The following UGT2A1 variants were observed in gnomAD, a reference collection of about 807,000 sequenced individuals.
UGT2A1 encodes UDP-glucuronosyltransferase 2A1.
UGT2A1 carries 61 observed loss-of-function variants against 45.4 expected under a neutral mutation model. That is an observed-to-expected ratio of 1.34 (90% confidence interval 1.09 to 1.66). The LOEUF (loss-of-function observed/expected upper bound fraction) is 1.66, where lower values mean the gene tolerates loss of function less well. Among genes scored for constraint, UGT2A1 ranks in the 40% most tolerant of loss-of-function variants. The pLI is 0.00. For synonymous variants in UGT2A1, 229 were observed against 196.2 expected, an observed-to-expected ratio of 1.17 and a Z score of -1.40; for missense variants, 649 against 574.3, an observed-to-expected ratio of 1.13 and a Z score of -1.33.
In UGT2A1 at chr4:69,595,150, CCA is replaced by C; in HGVS notation, c.1084+10_1084+11del. 6.2e-7 allele frequency: 1 copy of C among 1,613,686 alleles called. No homozygotes were observed. The highest frequency in any genetic ancestry group is 8.5e-7 in the Non-Finnish European group (1 of 1,179,818). On this transcript the variant is annotated intron_variant, in intron 5 of 6. Transcript: ENST00000286604. ...GTCCCACTGTACAGCTTTTCTTTCC[CCA>C]CAGTCTTACCAAGAAGATCATTCTG...
At chr4:69,634,711 A>G (rs899489806) in intron 3 of UGT2A1, among the ~76,000 whole-genome samples, 1 of 152,212 alleles carries the variant, frequency 6.6e-6, no homozygotes, top group East Asian at 1.9e-4. Context: ...GATAAAATTC[A>G]TCATCCTTTT....
intron 2 of UGT2A1, among the ~76,000 whole-genome samples, chr4:69,637,592 A>T (rs1434307283): frequency 6.6e-6 from 1 of 152,040 alleles, no homozygotes; most frequent in African/African-American, 2.4e-5. Flanking sequence ...TCATTCTTTC[A>T]TTTGATACTT....
chr4:69,623,314 T>C (rs1720858125), intron 3 of UGT2A1, among the ~76,000 whole-genome samples: 1 of 151,800 alleles, frequency 6.6e-6, no homozygotes, highest in South Asian at 2.1e-4. Context: ...TGTAACACTC[T>C]GTTTTGAGTT....
rs138860923 is a variant in UGT2A1 at position 69,647,391 on chromosome 4, C to A, written c.254G>T (p.Gly85Val). 6.2e-7 allele frequency: 1 copy of A among 1,613,074 alleles called. No homozygotes were observed. ...KVPFGKERIE[G>V]VIKDFVLTWL... ...TGTCAAAACGAAGTCCTTAATTACT[C>A]CTTCTATTCTTTCTTTGCCAAAGGG... The change falls in exon 2 of 7, where the codon GGA (glycine) becomes GTA (valine). Residue 85 changes from glycine to valine, a missense_variant. Physicochemically the swap from Gly to Val is moderately radical, Grantham distance 109. Transcript: ENST00000286604.
intron 3 of UGT2A1, among the ~76,000 whole-genome samples, chr4:69,618,980 T>C (rs746627544): frequency 1.1e-4 from 17 of 152,016 alleles, no homozygotes; most frequent in Admixed American, 3.3e-4. Flanking sequence ...TGTTGAATTT[T>C]ATAATTTAAT....
chr4:69,624,361 GT>G (rs1164650869), intron 3 of UGT2A1, among the ~76,000 whole-genome samples: 2 of 150,806 alleles, frequency 1.3e-5, no homozygotes, highest in Non-Finnish European at 3.0e-5. Flanking sequence ...TTCTTTATGA[GT>G]TTCTTAAGAT....
chr4:69,591,449 G>A (rs1339292516), intron 6 of UGT2A1, among the ~76,000 whole-genome samples: 1 of 152,118 alleles, frequency 6.6e-6, no homozygotes, highest in Non-Finnish European at 1.5e-5. Context: ...AGGAATGCCT[G>A]GGTTAAGATA....
In UGT2A1 at chr4:69,599,281, C is replaced by T; in HGVS notation, c.961G>A (p.Gly321Arg). Residue 321 changes from glycine (G) to arginine (R), a missense_variant, in exon 4 of 7, where the codon GGA becomes AGA. Coordinates refer to ENST00000286604, the MANE Select transcript of UGT2A1 (RefSeq NM_001252275.3). ...GGTTTGGCAGGTTTGCAGTGCAATC[C>T]TCCAACAAACTCAAAATTAGGTAAG... ...PYLPNFEFVG[G>R]LHCKPAKPLP... is the part of the protein sequence containing the mutation. 1.2e-6 allele frequency: 2 copies of T among 1,613,702 alleles called. No individual in the cohort carries two copies. The highest frequency in any genetic ancestry group is 1.3e-5 in the African/African-American group (1 of 75,028).
intron 3 of UGT2A1, among the ~76,000 whole-genome samples, chr4:69,613,933 C>T (rs938770384): frequency 6.6e-6 from 1 of 151,978 alleles, no homozygotes; most frequent in Non-Finnish European, 1.5e-5. Flanking sequence ...AGGATATGTG[C>T]TTTCACAACT....
intron 3 of UGT2A1, among the ~76,000 whole-genome samples, chr4:69,606,374 G>C (rs545690208): frequency 2.9e-5 from 4 of 135,788 alleles, no homozygotes; most frequent in Admixed American, 1.5e-4. Context: ...ATTCAACAAC[G>C]CTTCATGCTA....
chr4:69,636,527 GATT>G (rs145456821), intron 2 of UGT2A1, among the ~76,000 whole-genome samples: 34,337 of 151,888 alleles, frequency 0.23, 4,123 homozygotes, highest in Middle Eastern at 0.26. Context: ...TCTGAACCTA[GATT>G]ATTATTTTGT....
intron 3 of UGT2A1, among the ~76,000 whole-genome samples, chr4:69,633,653 G>A (rs987943245): frequency 2.0e-5 from 3 of 152,092 alleles, no homozygotes; most frequent in Non-Finnish European, 2.9e-5. Flanking sequence ...CAACTTGTAC[G>A]AATTTCAAAA....
intron 3 of UGT2A1, among the ~76,000 whole-genome samples, chr4:69,635,404 C>G (rs1207799868): frequency 2.0e-5 from 3 of 152,158 alleles, no homozygotes; most frequent in Non-Finnish European, 2.9e-5. Flanking sequence ...AGTGGCCTTA[C>G]CTGTCTAACC....
intron 3 of UGT2A1, among the ~76,000 whole-genome samples, chr4:69,601,514 C>A (rs1047621075): frequency 6.6e-6 from 1 of 152,198 alleles, no homozygotes; most frequent in African/African-American, 2.4e-5. Flanking sequence ...ACAGCATCTG[C>A]AGGCATAATA....
chr4:69,594,751 T>G, intron 5 of UGT2A1, 55 bp from the exon 6 acceptor site: 2 of 1,559,990 alleles, frequency 1.3e-6, no homozygotes, highest in Non-Finnish European at 1.7e-6. Flanking sequence ...ATTAGCAGAA[T>G]TTGAGAGACA....
intron 3 of UGT2A1, among the ~76,000 whole-genome samples, chr4:69,626,297 G>A (rs764508969): frequency 1.3e-5 from 2 of 150,870 alleles, no homozygotes; most frequent in African/African-American, 4.8e-5. Flanking sequence ...CACCAAAGAG[G>A]CCATACACAT....
chr4:69,599,317 G>A lies in UGT2A1; in HGVS notation c.925C>T (p.Pro309Ser). The A allele has an allele frequency of 6.2e-7, 1 of 1,613,842 alleles. No individual in the cohort carries two copies. Among genetic ancestry groups the A allele is most frequent in the Non-Finnish European group, 8.5e-7 (1 of 1,179,932 alleles). Residue 309 changes from proline to serine, a missense_variant, in exon 4 of 7, where the codon CCT becomes TCT. Physicochemically the swap from Pro to Ser is moderately conservative, Grantham distance 74 (BLOSUM62 -1). Coordinates refer to ENST00000286604, the MANE Select transcript of UGT2A1 (RefSeq NM_001252275.3). ...TCAAAATTAGGTAAGTATGGACGAG[G>A]AAATTCAAAATCCCAATATGTTCGG... ...LIRTYWDFEF[P>S]RPYLPNFEFV...
At chr4:69,601,959 A>C (rs1719322525) in intron 3 of UGT2A1, among the ~76,000 whole-genome samples, 1 of 137,390 alleles carries the variant, frequency 7.3e-6, no homozygotes, top group Admixed American at 7.2e-5. Context: ...AGTAAAACTA[A>C]GACAACTTGA....
intron 3 of UGT2A1, among the ~76,000 whole-genome samples, chr4:69,608,047 T>C (rs1010275994): frequency 5.3e-5 from 8 of 152,186 alleles, no homozygotes; most frequent in African/African-American, 1.7e-4. Flanking sequence ...AAATACCATT[T>C]GATCCAGCCA....
Sources: gnomAD v4.1 joint callset for allele counts (sites outside exome capture counted in the v4.1 genomes callset) on GRCh38, gnomAD v4.1.1 for gene constraint, MANE v1.5 for transcripts, NCBI Gene and HGNC (gene_info 2026-07-23, HGNC 2026-07-21) for gene names.